Variants in ZNF521 observed in about 807,000 individuals in gnomAD.
ZNF521 encodes LYST-interacting protein 3.
A neutral mutation model predicts 105.5 loss-of-function variants in ZNF521; 14 were observed. The observed-to-expected ratio is 0.13, with a 90% CI of 0.09 to 0.21. ZNF521 has a LOEUF of 0.21. ZNF521 is among the 10% of genes least tolerant of loss of function. The pLI is 1.00. For synonymous variants in ZNF521, 635 were observed against 606.0 expected (o/e 1.05, Z -0.70); for missense variants, 1,233 against 1,629.7 (o/e 0.76, Z 4.19).
At chr18:25,350,727 C>A (rs376720301) in intron 2 of ZNF521, among the ~76,000 whole-genome samples, 180 bp downstream of exon 2, 4 of 151,814 alleles carry the variant, frequency 2.6e-5, no homozygotes, top group Non-Finnish European at 5.9e-5. Context: ...CGTCTCCCCC[C>A]ACCCCGACAC....
At position 25,214,543 on chromosome 18, in the gene ZNF521, C is replaced by T. The variant is rs1394568513; in HGVS notation, c.3573+9802G>A. ...AAAGTATATTTTCTAACAACTATCCCTCTAAGTGGTGCATTTAGTTATATC... is the reference window on the plus strand; with the variant it reads ...AAAGTATATTTTCTAACAACTATCCTTCTAAGTGGTGCATTTAGTTATATC... On this transcript the variant is annotated intron_variant, in intron 4 of 7. Transcript: ENST00000361524. Among the ~76,000 whole-genome samples the T allele has an allele frequency of 3.9e-5, 6 of 152,110 alleles. No homozygotes were observed. The East Asian group carries it at 5.8e-4, about 15-fold the overall frequency.
chr18:25,210,338 G>T (rs763978990), intron 4 of ZNF521, among the ~76,000 whole-genome samples: 5 of 151,986 alleles, frequency 3.3e-5, no homozygotes, highest in Non-Finnish European at 7.4e-5. Flanking sequence ...TTTCCCTAAG[G>T]ACAATCTTTC....
intron 1 of ZNF521, 140 bp downstream of exon 1, chr18:25,351,865 G>A (rs911349120): frequency 3.8e-6 from 1 of 261,662 alleles, no homozygotes; most frequent in African/African-American, 2.3e-5. Flanking sequence ...TAAAGTCTAC[G>A]GCTGCCTCGG....
intron 3 of ZNF521, among the ~76,000 whole-genome samples, chr18:25,235,444 T>C (rs1318132145): frequency 6.6e-6 from 1 of 152,200 alleles, no homozygotes; most frequent in Non-Finnish European, 1.5e-5. Context: ...CGTTAGGGAA[T>C]GACGGATCTT....
At chr18:25,069,986 T>C (rs1000810404) in intron 7 of ZNF521, among the ~76,000 whole-genome samples, 3 of 152,240 alleles carry the variant, frequency 2.0e-5, no homozygotes, top group Non-Finnish European at 4.4e-5. Context: ...GAAACACTGA[T>C]GCATTTTCTT....
intron 5 of ZNF521, among the ~76,000 whole-genome samples, chr18:25,116,670 A>G (rs1208826059): frequency 1.3e-5 from 2 of 151,954 alleles, no homozygotes; most frequent in Non-Finnish European, 2.9e-5. Context: ...CAGAGTCTGG[A>G]GAGTCAACAC....
At chr18:25,205,952 C>T (rs2036071082) in intron 4 of ZNF521, among the ~76,000 whole-genome samples, 1 of 152,086 alleles carries the variant, frequency 6.6e-6, no homozygotes, top group South Asian at 2.1e-4. Context: ...CAGCTATAAG[C>T]TCTTTAAGGC....
intron 3 of ZNF521, among the ~76,000 whole-genome samples, chr18:25,295,793 T>A (rs972336880): frequency 6.6e-6 from 1 of 152,200 alleles, no homozygotes; most frequent in African/African-American, 2.4e-5. Flanking sequence ...CTCCCATACA[T>A]ACCTGTTTCT....
In ZNF521 at chr18:25,066,352, C is replaced by T. The variant is rs55731067; in HGVS notation, c.3907-3611G>A. Among the ~76,000 whole-genome samples, 871 of 152,218 alleles carry T rather than the reference C, an allele frequency of 5.7e-3. 2 individuals carry two copies. The highest frequency in any genetic ancestry group is 1.0e-2 in the Non-Finnish European group (680 of 68,008). ...CTTGCCTTTGCCACCTTTGAGGATCCGGGGGATGTGTCTGTTCTCCTCCCC... is the reference window on the plus strand; with the variant it reads ...CTTGCCTTTGCCACCTTTGAGGATCTGGGGGATGTGTCTGTTCTCCTCCCC... On this transcript the variant is annotated intron_variant, in intron 7 of 7. Coordinates refer to ENST00000361524, the MANE Select transcript of ZNF521 (RefSeq NM_015461.3).
At chr18:25,310,852 C>T (rs923348604) in intron 3 of ZNF521, among the ~76,000 whole-genome samples, 4 of 152,120 alleles carry the variant, frequency 2.6e-5, no homozygotes, top group Non-Finnish European at 5.9e-5. Context: ...CCTTTTGCTT[C>T]AAATATTTTC....
chr18:25,297,621 A>AAATG (rs1911398338), intron 3 of ZNF521, among the ~76,000 whole-genome samples: 1 of 152,182 alleles, frequency 6.6e-6, no homozygotes, highest in African/African-American at 2.4e-5. Flanking sequence ...CTGGCAGAGA[A>AAATG]AATGAATGAA....
At chr18:25,223,095 T>C (rs906766202) in intron 4 of ZNF521, among the ~76,000 whole-genome samples, 3 of 152,210 alleles carry the variant, frequency 2.0e-5, no homozygotes, top group Non-Finnish European at 4.4e-5. Flanking sequence ...CCTCATTTCA[T>C]ATGCTTTTAA....
At chr18:25,201,779 T>C (rs1600148342) in intron 4 of ZNF521, 1 of 152,160 alleles carries the variant, frequency 6.6e-6, no homozygotes, top group Non-Finnish European at 1.5e-5. Context: ...TAGATTTTCT[T>C]TCTGTAATAC....
chr18:25,206,884 T>C (rs1235954994), intron 4 of ZNF521, among the ~76,000 whole-genome samples: 1 of 152,168 alleles, frequency 6.6e-6, no homozygotes, highest in Non-Finnish European at 1.5e-5. Flanking sequence ...TTCCTGTTGT[T>C]TGTACTCTTA....
chr18:25,297,599 A>T (rs1162736190), intron 3 of ZNF521, among the ~76,000 whole-genome samples: 2 of 152,184 alleles, frequency 1.3e-5, no homozygotes, highest in Non-Finnish European at 2.9e-5. Context: ...AATACTATGA[A>T]AGTTCATATT....
intron 3 of ZNF521, among the ~76,000 whole-genome samples, chr18:25,317,576 A>G (rs1285647231): frequency 1.3e-5 from 2 of 152,204 alleles, no homozygotes; most frequent in Admixed American, 6.5e-5. Context: ...TCCAGTGGGA[A>G]CGCTGAAGTT....
chr18:25,111,588 C>G (rs756653420), intron 5 of ZNF521, among the ~76,000 whole-genome samples: 43 of 152,224 alleles, frequency 2.8e-4, no homozygotes, highest in Middle Eastern at 3.2e-3. Flanking sequence ...TCAAGTAAAG[C>G]TGACACCCCT....
intron 4 of ZNF521, among the ~76,000 whole-genome samples, chr18:25,212,192 A>G (rs539777456): frequency 6.6e-6 from 1 of 152,090 alleles, no homozygotes; most frequent in Non-Finnish European, 1.5e-5. Context: ...CTGCTTATCA[A>G]GTTCCAAAAT....
intron 3 of ZNF521, among the ~76,000 whole-genome samples, chr18:25,244,405 T>C (rs565444153): frequency 1.3e-5 from 2 of 152,108 alleles, no homozygotes; most frequent in South Asian, 4.2e-4. Context: ...AGTCCTTGCT[T>C]TCAGGAAGCC....
Sources: gnomAD v4.1 joint callset for allele counts (sites outside exome capture counted in the v4.1 genomes callset) on GRCh38, gnomAD v4.1.1 for gene constraint, MANE v1.5 for transcripts, NCBI Gene and HGNC (gene_info 2026-07-23, HGNC 2026-07-21) for gene names.